Variants in GPATCH8 observed in about 807,000 individuals in gnomAD.
GPATCH8 encodes the protein G-patch domain containing 8, also known as G patch domain-containing protein 8.
In GPATCH8, 18 loss-of-function variants were observed where a neutral mutation model predicts 118.3. The ratio of observed to expected loss-of-function variants is 0.15; its 90% CI spans 0.11 to 0.23. GPATCH8 has a LOEUF of 0.23. GPATCH8 is among the 10% of genes least tolerant of loss of function. The pLI is 1.00. For synonymous variants in GPATCH8, 659 were observed against 684.7 expected (o/e 0.96, Z 0.59); for missense variants, 1,631 against 1,873.8 (o/e 0.87, Z 2.39).
chr17:44,448,188 T>C (rs781531616), intron 3 of GPATCH8, among the ~76,000 whole-genome samples: 8 of 152,218 alleles, frequency 5.3e-5, no homozygotes, highest in Non-Finnish European at 8.8e-5. Context: ...AATTTCCAAA[T>C]GTTTTACATA....
At chr17:44,416,830 T>C (rs1214245782) in intron 6 of GPATCH8, among the ~76,000 whole-genome samples, 2 of 152,226 alleles carry the variant, frequency 1.3e-5, no homozygotes, top group African/African-American at 2.4e-5. Flanking sequence ...GCTTCATCTG[T>C]TTTAGTTCTG....
Position 44,400,250 on chromosome 17 carries a change from A to G in GPATCH8, c.1827T>C (p.Gly609=). The G allele has an allele frequency of 6.2e-7, 1 of 1,614,066 alleles. No homozygotes were observed. Among genetic ancestry groups the G allele is most frequent in the Non-Finnish European group, 8.5e-7 (1 of 1,180,022 alleles). Reference sequence around the variant, plus strand: ...CCACTTCCTTGCTTTTATTTGGCTCACCAGGATCTAGGCCTTGGAGATGGT... The same window carrying G: ...CCACTTCCTTGCTTTTATTTGGCTCGCCAGGATCTAGGCCTTGGAGATGGT... ...SKDHLQGLDP[G]EPNKSKEVGG... The change falls in exon 8 of 8, where the codon GGT becomes GGC. Residue 609 remains glycine, a synonymous_variant. Coordinates refer to ENST00000591680, the MANE Select transcript of GPATCH8 (RefSeq NM_001002909.4).
intron 2 of GPATCH8, among the ~76,000 whole-genome samples, chr17:44,466,347 G>T (rs898005326): frequency 6.6e-6 from 1 of 152,000 alleles, no homozygotes; most frequent in African/African-American, 2.4e-5. Flanking sequence ...CGAAAAATTT[G>T]TTTCTAAAAC....
Position 44,483,496 on chromosome 17 carries a change from A to G in GPATCH8, c.46-8593T>C, listed in dbSNP as rs377750004. Among the ~76,000 whole-genome samples the G allele has an allele frequency of 5.8e-4, 88 of 151,096 alleles. No homozygotes were observed. The East Asian group carries it at 0.013, about 22-fold the overall frequency. On this transcript the variant is annotated intron_variant, in intron 1 of 7. Coordinates refer to ENST00000591680, the MANE Select transcript of GPATCH8 (RefSeq NM_001002909.4). ...GAACTCCTGACCTTGTGATCTGCCCACCTCGGCCTCCCAAAGTGTTGGGAT... is the reference window on the plus strand; with the variant it reads ...GAACTCCTGACCTTGTGATCTGCCCGCCTCGGCCTCCCAAAGTGTTGGGAT...
chr17:44,456,684 T>C (rs1031475505), intron 3 of GPATCH8, among the ~76,000 whole-genome samples: 3 of 152,212 alleles, frequency 2.0e-5, no homozygotes, highest in South Asian at 2.1e-4. Context: ...TTGAGACTTA[T>C]GTAATGCAGG....
At chr17:44,462,132 T>C (rs561837635) in intron 3 of GPATCH8, among the ~76,000 whole-genome samples, 1 of 152,344 alleles carries the variant, frequency 6.6e-6, no homozygotes, top group East Asian at 1.9e-4. Flanking sequence ...GTTCTAGTTG[T>C]ACTTTAAAGT....
intron 5 of GPATCH8, among the ~76,000 whole-genome samples, chr17:44,430,030 G>C (rs1474109662): frequency 6.6e-6 from 1 of 152,044 alleles, no homozygotes; most frequent in East Asian, 1.9e-4. Context: ...TCTCAACAAA[G>C]CAAGACTGTC....
At position 44,399,019 on chromosome 17, in the gene GPATCH8, A is replaced by T; in HGVS notation, c.3058T>A (p.Ser1020Thr). Residue 1020 changes from serine (S) to threonine (T), a missense_variant, in exon 8 of 8, where the codon TCT becomes ACT. Ser to Thr is a moderately conservative substitution (Grantham distance 58). Transcript: ENST00000591680. ...GAACGAATGAAGTCCCGACGCCCAG[A>T]ATGCCTCTCCTCAGGGCTCTCGTGA... ...WGHESPEERH[S>T]GRRDFIRSKI... 6.2e-7 allele frequency: 1 copy of T among 1,614,006 alleles called. No homozygotes were observed. The highest frequency in any genetic ancestry group is 8.5e-7 in the Non-Finnish European group (1 of 1,179,952).
At chr17:44,450,560 T>C (rs116405085) in intron 3 of GPATCH8, among the ~76,000 whole-genome samples, 1,979 of 145,026 alleles carry the variant, frequency 0.014, 44 homozygotes, top group African/African-American at 0.048. Flanking sequence ...AAATACTGGA[T>C]TTAAAACTAA....
chr17:44,402,439 C>T (rs979362893), intron 7 of GPATCH8, among the ~76,000 whole-genome samples: 1 of 150,108 alleles, frequency 6.7e-6, no homozygotes, highest in African/African-American at 2.5e-5. Flanking sequence ...AGTATGTTAT[C>T]TAATGTATGG....
intron 6 of GPATCH8, among the ~76,000 whole-genome samples, chr17:44,411,341 T>C (rs2049423824): frequency 6.6e-6 from 1 of 152,200 alleles, no homozygotes; most frequent in Admixed American, 6.5e-5. Context: ...CACAGTGTTC[T>C]CTAACAACAA....
chr17:44,440,573 T>C (rs959983018), intron 3 of GPATCH8, among the ~76,000 whole-genome samples: 9 of 152,270 alleles, frequency 5.9e-5, no homozygotes, highest in African/African-American at 1.4e-4. Context: ...CATCAGCCTA[T>C]TGCCTATTTT....
At chr17:44,412,248 G>A (rs1333224065) in intron 6 of GPATCH8, among the ~76,000 whole-genome samples, 1 of 152,096 alleles carries the variant, frequency 6.6e-6, no homozygotes, top group Non-Finnish European at 1.5e-5. Context: ...AATTAGTTGG[G>A]CGCAGTGGTT....
rs1240751431 is a variant in GPATCH8, at chr17:44,398,208, C to T, written c.3869G>A (p.Ser1290Asn). The T allele has an allele frequency of 6.2e-7, 1 of 1,613,330 alleles. No homozygotes were observed. Among genetic ancestry groups the T allele is most frequent in the South Asian group, 1.1e-5 (1 of 91,016 alleles). Residue 1290 changes from serine to asparagine, a missense_variant, in exon 8 of 8, where the codon AGT becomes AAT. Around this residue, in one of 8 missense-constraint regions of GPATCH8, gnomAD observed 922 missense variants for 879.7 expected, o/e 1.05. Coordinates refer to ENST00000591680, the MANE Select transcript of GPATCH8 (RefSeq NM_001002909.4). Reference sequence around the variant, plus strand: ...CTCAGCCCCATCTGTTGACTCAATACTAGGATCCCCACTGGGAGGTGCATA... The same window carrying T: ...CTCAGCCCCATCTGTTGACTCAATATTAGGATCCCCACTGGGAGGTGCATA... Reference protein sequence around the residue: ...PSYAPPSGDPSIESTDGAEDA... With the variant: ...PSYAPPSGDPNIESTDGAEDA...
intron 1 of GPATCH8, among the ~76,000 whole-genome samples, chr17:44,479,965 CA>C (rs200988896): frequency 0.52 from 70,773 of 134,992 alleles, 18,466 homozygotes; most frequent in Middle Eastern, 0.64. Flanking sequence ...GACTCCGTCT[CA>C]AAAAAAAAAA....
intron 3 of GPATCH8, among the ~76,000 whole-genome samples, chr17:44,446,636 T>A (rs2050893809): frequency 6.6e-6 from 1 of 152,118 alleles, no homozygotes; most frequent in South Asian, 2.1e-4. Context: ...TGGAAAATAT[T>A]TGAGTAGAAA....
chr17:44,398,690 A>T lies in GPATCH8; in HGVS notation c.3387T>A (p.Gly1129=). 6.3e-7 allele frequency: 1 copy of T among 1,584,034 alleles called. No individual in the cohort carries two copies. The highest frequency in any genetic ancestry group is 8.6e-7 in the Non-Finnish European group (1 of 1,163,720). Residue 1129 remains glycine, a synonymous_variant, in exon 8 of 8, where the codon GGT becomes GGA. Coordinates refer to ENST00000591680, the MANE Select transcript of GPATCH8 (RefSeq NM_001002909.4). ...ATGGGGGGAGCTTGGGCCCAAAGTA[A>T]CCTTGTGGGGGGTCCTTGAGCTTGG... ...AGPKLKDPPQ[G]YFGPKLPPSL...
At chr17:44,475,799 G>T (rs1032399507) in intron 1 of GPATCH8, among the ~76,000 whole-genome samples, 2 of 152,198 alleles carry the variant, frequency 1.3e-5, no homozygotes, top group Admixed American at 6.5e-5. Context: ...GCTGAGGCGG[G>T]AAGATCACTT....
intron 3 of GPATCH8, among the ~76,000 whole-genome samples, chr17:44,459,280 G>A (rs1013600161): frequency 6.6e-6 from 1 of 152,014 alleles, no homozygotes; most frequent in Admixed American, 6.6e-5. Flanking sequence ...CCCTAAGGAT[G>A]GATTATCTCT....
Sources: gnomAD v4.1 joint callset for allele counts (sites outside exome capture counted in the v4.1 genomes callset) on GRCh38, gnomAD v4.1.1 for gene constraint, gnomAD v4.1.1 regional missense constraint, MANE v1.5 for transcripts, NCBI Gene and HGNC (gene_info 2026-07-23, HGNC 2026-07-21) for gene names.